The following DAAM1 variants were observed in gnomAD, a reference collection of about 807,000 sequenced individuals.
DAAM1 encodes the protein disheveled-associated activator of morphogenesis 1.
Under a neutral mutation model 130.0 loss-of-function variants are expected in DAAM1, and 52 were observed. The observed-to-expected ratio is 0.40, with a 90% CI of 0.32 to 0.50. DAAM1 has a LOEUF of 0.50. DAAM1 is among the 20% of genes least tolerant of loss of function. The pLI, the probability that DAAM1 is intolerant of heterozygous loss-of-function variation, is 0.61. For missense variants in DAAM1, 1,134 were observed against 1,303.8 expected, an observed-to-expected ratio of 0.87 and a Z score of 2.01; for synonymous variants, 452 against 444.5, an observed-to-expected ratio of 1.02 and a Z score of -0.21.
At chr14:59,226,738 A>C (rs1888954548) in intron 1 of DAAM1, among the ~76,000 whole-genome samples, 1 of 152,176 alleles carries the variant, frequency 6.6e-6, no homozygotes, top group South Asian at 2.1e-4. Context: ...CTGAAGTAGA[A>C]GTTTAGAAAG....
intron 1 of DAAM1, among the ~76,000 whole-genome samples, chr14:59,237,246 A>G (rs1268580): frequency 0.98 from 149,875 of 152,328 alleles, 73,775 homozygotes; most frequent in East Asian, 1. Flanking sequence ...AATAGAATGT[A>G]TAGTGAAAAC....
rs570743437 is a variant in DAAM1, at chr14:59,352,632, G to A, written c.2267G>A (p.Arg756Gln). 15 of 1,610,148 alleles carry A rather than the reference G, an allele frequency of 9.3e-6. No homozygotes were observed. The highest frequency in any genetic ancestry group is 1.1e-5 in the South Asian group (1 of 89,958). The change falls in exon 18 of 25, where the codon CGA becomes CAA. Residue 756 changes from arginine (R) to glutamine (Q), a missense_variant and splice_region_variant. By Grantham distance (43) the Arg-to-Gln change is conservative (BLOSUM62 1). Around this residue, in one of 3 missense-constraint regions of DAAM1, gnomAD observed 644 missense variants for 695.9 expected, o/e 0.93. Coordinates refer to ENST00000360909, the MANE Select transcript of DAAM1 (RefSeq NM_001270520.2). ...GATAGGTTCCTTTTTGAGATGAGCC[G>A]GTGAGTTTGAAAATGCTGGGAATGT... ...KADRFLFEMSRINHYQQRLQS... is the reference protein window; with the variant it reads ...KADRFLFEMSQINHYQQRLQS...
At chr14:59,238,678 C>T (rs527367610) in intron 1 of DAAM1, among the ~76,000 whole-genome samples, 10 of 152,242 alleles carry the variant, frequency 6.6e-5, no homozygotes, top group South Asian at 6.2e-4. Flanking sequence ...TGACATGTAG[C>T]GGCTTACTGA....
chr14:59,243,869 A>G (rs1027733823), intron 1 of DAAM1, among the ~76,000 whole-genome samples: 1 of 152,204 alleles, frequency 6.6e-6, no homozygotes, highest in African/African-American at 2.4e-5. Flanking sequence ...TGAAGTTCCA[A>G]ACATTAGCAT....
At chr14:59,306,104 C>G (rs186688224) in intron 3 of DAAM1, among the ~76,000 whole-genome samples, 3 of 151,728 alleles carry the variant, frequency 2.0e-5, no homozygotes, top group Non-Finnish European at 4.4e-5. Context: ...ACATGATGAC[C>G]AGAGAGAGTG....
intron 3 of DAAM1, among the ~76,000 whole-genome samples, chr14:59,311,134 A>G (rs1462838040): frequency 6.6e-6 from 1 of 152,252 alleles, no homozygotes; most frequent in African/African-American, 2.4e-5. Flanking sequence ...AGAAGACTTC[A>G]GCTGCTACGA....
intron 2 of DAAM1, among the ~76,000 whole-genome samples, chr14:59,269,585 TCTATTGGCTTGATTC>T (rs1272660426): frequency 2.0e-5 from 3 of 152,226 alleles, no homozygotes; most frequent in African/African-American, 7.2e-5. Context: ...CATTTTGATT[TCTATTGGCTTGATTC>T]CTTAGCTTAG....
At chr14:59,315,219 T>C (rs965237479) in intron 3 of DAAM1, 61 bp from the exon 4 acceptor site, 1 of 1,461,496 alleles carries the variant, frequency 6.8e-7, no homozygotes, top group Non-Finnish European at 9.6e-7. Context: ...AAGTCGGATG[T>C]GTTTCTAGGT....
At chr14:59,337,540 C>T (rs1566711319) in intron 15 of DAAM1, among the ~76,000 whole-genome samples, 1 of 152,348 alleles carries the variant, frequency 6.6e-6, no homozygotes, top group African/African-American at 2.4e-5. Flanking sequence ...GTTTTGCACA[C>T]CAAAGCCTTA....
chr14:59,274,370 G>A (rs535750918), intron 2 of DAAM1, among the ~76,000 whole-genome samples: 151 of 149,810 alleles, frequency 1.0e-3, no homozygotes, highest in Non-Finnish European at 1.9e-3. Context: ...GCTTTTCTTC[G>A]ATGTAGAAGG....
Position 59,369,038 on chromosome 14 carries a change from T to G in DAAM1, c.*179T>G, listed in dbSNP as rs1887038188. On this transcript the variant is annotated 3_prime_UTR_variant, in exon 25 of 25. Coordinates refer to ENST00000360909, the MANE Select transcript of DAAM1 (RefSeq NM_001270520.2). ...ATATATTAAAAAATGTATATAGATG[T>G]CTGAGTGTTGTCTGGAGACCTATAC... The G allele has an allele frequency of 8.5e-6, 5 of 590,272 alleles. No homozygotes were observed. Among genetic ancestry groups the G allele is most frequent in the Non-Finnish European group, 1.5e-5 (5 of 340,462 alleles). 36.6% of individuals were successfully genotyped at this position (590,272 alleles called of 1,614,324 possible).
At chr14:59,228,741 C>T (rs1951484) in intron 1 of DAAM1, among the ~76,000 whole-genome samples, 149,847 of 152,342 alleles carry the variant, frequency 0.98, 73,740 homozygotes, top group East Asian at 1. Context: ...CACATGTCCA[C>T]TTATAATCTG....
intron 1 of DAAM1, among the ~76,000 whole-genome samples, chr14:59,211,139 T>C (rs1395623123): frequency 1.3e-5 from 2 of 152,320 alleles, no homozygotes; most frequent in South Asian, 2.1e-4. Context: ...TTGCTTTAGG[T>C]AATTTAAACA....
chr14:59,353,846 A>C (rs1363134439), intron 18 of DAAM1, 30 bp from the exon 19 acceptor site: 10 of 1,602,618 alleles, frequency 6.2e-6, no homozygotes, highest in Non-Finnish European at 8.5e-6. Context: ...TATTAAATGA[A>C]TATCAATTAG....
intron 2 of DAAM1, chr14:59,265,319 A>G (rs899509497): frequency 1.3e-5 from 2 of 152,232 alleles, no homozygotes; most frequent in Admixed American, 1.3e-4. Context: ...CAGTGTACTT[A>G]CGCTTTATGA....
chr14:59,282,597 A>G (rs999888982), intron 2 of DAAM1, among the ~76,000 whole-genome samples: 4 of 152,136 alleles, frequency 2.6e-5, no homozygotes, highest in Admixed American at 1.3e-4. Context: ...GTGTTGACAG[A>G]ATGAACAGTG....
intron 4 of DAAM1, among the ~76,000 whole-genome samples, chr14:59,317,831 T>A (rs1884847950): frequency 6.6e-6 from 1 of 152,196 alleles, no homozygotes; most frequent in South Asian, 2.1e-4. Flanking sequence ...TGCCTCTCAC[T>A]AATTCAGTTT....
chr14:59,200,883 G>A (rs1480515308), intron 1 of DAAM1, among the ~76,000 whole-genome samples: 2 of 152,140 alleles, frequency 1.3e-5, no homozygotes, highest in East Asian at 1.9e-4. Flanking sequence ...CCAGGTAGGC[G>A]GGGTGCGGTG....
At chr14:59,337,697 T>A (rs1214874411) in intron 15 of DAAM1, among the ~76,000 whole-genome samples, 1 of 152,206 alleles carries the variant, frequency 6.6e-6, no homozygotes, top group Non-Finnish European at 1.5e-5. Flanking sequence ...GCTTGAACAG[T>A]CCTGGGGCAG....
Sources: allele counts gnomAD v4.1 joint callset (sites outside exome capture counted in the v4.1 genomes callset), GRCh38; gene constraint gnomAD v4.1.1; regional missense constraint gnomAD v4.1.1; transcripts MANE v1.5; gene names NCBI Gene and HGNC (gene_info 2026-07-23, HGNC 2026-07-21).